CCNY: variants seen among roughly 807,000 people sequenced by gnomAD.
CCNY encodes the protein cyclin-Y.
In CCNY, 19 loss-of-function variants were observed where a neutral mutation model predicts 42.8. That is an observed-to-expected ratio of 0.44 (90% confidence interval 0.31 to 0.65). The LOEUF (loss-of-function observed/expected upper bound fraction) is 0.65. CCNY is among the 30% of genes least tolerant of loss of function. The probability of loss-of-function intolerance (pLI) is 0.07; values close to 1 mark genes in which losing one functional copy is unlikely to be tolerated. For missense variants in CCNY, 370 were observed against 437.3 expected (o/e 0.85, Z 1.37); for synonymous variants, 165 against 162.7 (o/e 1.01, Z -0.11).
chr10:35,499,046 C>T (rs1014322375), intron 2 of CCNY, among the ~76,000 whole-genome samples: 6 of 152,112 alleles, frequency 3.9e-5, no homozygotes, highest in African/African-American at 1.4e-4. Flanking sequence ...TAGCCTGATT[C>T]CTCCCTGAGA....
intron 8 of CCNY, among the ~76,000 whole-genome samples, chr10:35,555,234 T>C (rs1166572510): frequency 6.6e-6 from 1 of 152,234 alleles, no homozygotes; most frequent in Non-Finnish European, 1.5e-5. Context: ...AAGGCTCATC[T>C]TTCTTAATCC....
chr10:35,428,442 T>C (rs2135274646), intron 1 of CCNY, among the ~76,000 whole-genome samples: 1 of 152,236 alleles, frequency 6.6e-6, no homozygotes, highest in African/African-American at 2.4e-5. Context: ...CTGGCTGGAA[T>C]GAGAGAGCGT....
In CCNY at chr10:35,367,831, G is replaced by A. The variant is rs1350835472; in HGVS notation, c.154+30624G>A. On this transcript the variant is annotated intron_variant, in intron 1 of 9. Transcript: ENST00000374704. ...TGAATTACTGGATGTGAAATATTTC[G>A]TTTAACAAAACTGACTCTCATGGGA... is the stretch of plus-strand genomic sequence containing the variant. Among the ~76,000 whole-genome samples the A allele has an allele frequency of 2.6e-5, 4 of 152,140 alleles. No homozygotes were observed. In the East Asian group the frequency reaches 5.8e-4, roughly 22 times the overall value.
Position 35,380,399 on chromosome 10 carries a change from T to A in CCNY, c.154+43192T>A, listed in dbSNP as rs1009305983. 2.0e-5 allele frequency among the ~76,000 whole-genome samples: 3 copies of A among 152,354 alleles called. No individual in the cohort carries two copies. The East Asian group carries it at 5.8e-4, about 29-fold the overall frequency. On this transcript the variant is annotated intron_variant, in intron 1 of 9. Transcript: ENST00000374704. ...GGAATCCTATCCTTCCAGTGTGGAA[T>A]GTATCAGAGAGTTTTAAAGCCCAAA...
At chr10:35,379,278 G>C (rs1415417692) in intron 1 of CCNY, among the ~76,000 whole-genome samples, 2 of 152,178 alleles carry the variant, frequency 1.3e-5, no homozygotes, top group South Asian at 2.1e-4. Flanking sequence ...CTGGTCGAAG[G>C]CTTCCTTCCC....
chr10:35,535,087 A>G (rs1840857304), intron 7 of CCNY, among the ~76,000 whole-genome samples: 1 of 151,030 alleles, frequency 6.6e-6, no homozygotes, highest in Non-Finnish European at 1.5e-5. Context: ...TGGAGTGAAC[A>G]AAGGAGGATG....
chr10:35,405,312 G>A (rs746760896), intron 1 of CCNY, among the ~76,000 whole-genome samples: 4 of 152,216 alleles, frequency 2.6e-5, no homozygotes, highest in Middle Eastern at 3.4e-3. Context: ...GGTAAAGGGT[G>A]CATCATTTGT....
intron 3 of CCNY, among the ~76,000 whole-genome samples, chr10:35,271,470 G>T (rs1342850824): frequency 6.6e-6 from 1 of 152,172 alleles, no homozygotes; most frequent in Non-Finnish European, 1.5e-5. Context: ...CTTCTGGCAG[G>T]GGGAAGGGAA....
intron 8 of CCNY, among the ~76,000 whole-genome samples, chr10:35,559,498 A>T (rs889932565): frequency 1.3e-5 from 2 of 152,246 alleles, no homozygotes; most frequent in Admixed American, 6.5e-5. Flanking sequence ...TTCTAATCTC[A>T]GTCTATCCAT....
chr10:35,518,526 G>T (rs1339469725), intron 4 of CCNY, among the ~76,000 whole-genome samples: 2 of 138,682 alleles, frequency 1.4e-5, no homozygotes, highest in African/African-American at 5.8e-5. Flanking sequence ...GAATCTGGCT[G>T]AGGTAAATTG....
chr10:35,501,665 A>T, intron 3 of CCNY, 130 bp downstream of exon 3: 1 of 810,646 alleles, frequency 1.2e-6, no homozygotes, highest in Non-Finnish European at 2.1e-6. Flanking sequence ...CAGTGTACTT[A>T]TGCTTAGTTT....
intron 1 of CCNY, among the ~76,000 whole-genome samples, chr10:35,418,858 G>C (rs1838085156): frequency 1.3e-5 from 2 of 151,156 alleles, no homozygotes; most frequent in Admixed American, 1.3e-4. Flanking sequence ...TAATCTCTCT[G>C]TCACCAGGCT....
At chr10:35,257,230 C>CCCTTCGTT (rs2095716297) in intron 3 of CCNY, among the ~76,000 whole-genome samples, 2 of 130,566 alleles carry the variant, frequency 1.5e-5, no homozygotes, top group African/African-American at 6.1e-5. Flanking sequence ...CTCCCTCCCT[C>CCCTTCGTT]CCTTCCTTCC....
chr10:35,282,068 T>C (rs1413544711), intron 3 of CCNY, among the ~76,000 whole-genome samples: 2 of 151,600 alleles, frequency 1.3e-5, no homozygotes, highest in Non-Finnish European at 2.9e-5. Flanking sequence ...TCTTACTTCA[T>C]TACCTACTCC....
At chr10:35,259,184 G>T (rs550521864) in intron 3 of CCNY, among the ~76,000 whole-genome samples, 162 of 152,214 alleles carry the variant, frequency 1.1e-3, no homozygotes, top group African/African-American at 3.5e-3. Flanking sequence ...CTTCCTATTC[G>T]ATCATCTTTC....
intron 3 of CCNY, among the ~76,000 whole-genome samples, chr10:35,503,087 G>A (rs1840143286): frequency 6.6e-6 from 1 of 151,848 alleles, no homozygotes; most frequent in Admixed American, 6.6e-5. Context: ...ATCCCTGCAC[G>A]CCCCACCCCC....
chr10:35,558,729 C>T (rs150524103), intron 8 of CCNY, among the ~76,000 whole-genome samples: 6 of 152,160 alleles, frequency 3.9e-5, no homozygotes, highest in African/African-American at 7.2e-5. Context: ...GAGAAGGTAG[C>T]GTCTGCAAGC....
intron 1 of CCNY, among the ~76,000 whole-genome samples, chr10:35,353,979 A>C (rs958076424): frequency 6.6e-6 from 1 of 152,100 alleles, no homozygotes; most frequent in South Asian, 2.1e-4. Flanking sequence ...GCTGTAGTCA[A>C]CTCATGGCTC....
chr10:35,502,976 T>C (rs1168060139), intron 3 of CCNY, among the ~76,000 whole-genome samples: 9 of 152,146 alleles, frequency 5.9e-5, no homozygotes, highest in African/African-American at 1.9e-4. Flanking sequence ...GAAGGTGCAT[T>C]GAAGAAAGAG....
Sources: gnomAD v4.1 joint callset for allele counts (sites outside exome capture counted in the v4.1 genomes callset) on GRCh38, gnomAD v4.1.1 for gene constraint, MANE v1.5 for transcripts, NCBI Gene and HGNC (gene_info 2026-07-23, HGNC 2026-07-21) for gene names.